Variants in RALGAPA2 observed in about 807,000 individuals in gnomAD.
The protein encoded by RALGAPA2 is Ral GTPase activating protein catalytic subunit alpha 2, also known as ral GTPase-activating protein subunit alpha-2.
RALGAPA2 carries 139 observed loss-of-function variants against 230.4 expected under a neutral mutation model. The ratio of observed to expected loss-of-function variants is 0.60; its 90% CI spans 0.53 to 0.69. The LOEUF is 0.69. Among genes scored for constraint, RALGAPA2 ranks in the 30% least tolerant of loss-of-function variants. RALGAPA2 has a pLI of 0.00. For missense variants in RALGAPA2, 2,163 were observed against 2,276.0 expected, an observed-to-expected ratio of 0.95 and a Z score of 1.01; for synonymous variants, 847 against 837.8, an observed-to-expected ratio of 1.01 and a Z score of -0.19.
At chr20:20,432,094 G>A (rs1358175536) in intron 37 of RALGAPA2, among the ~76,000 whole-genome samples, 1 of 152,154 alleles carries the variant, frequency 6.6e-6, no homozygotes, top group Non-Finnish European at 1.5e-5. Flanking sequence ...GAAACAGTAA[G>A]GACTGTGAAA....
chr20:20,417,055 A>T (rs923185011), intron 37 of RALGAPA2, among the ~76,000 whole-genome samples: 1 of 152,196 alleles, frequency 6.6e-6, no homozygotes, highest in African/African-American at 2.4e-5. Flanking sequence ...CATGGCAGTG[A>T]TCTGCAGAGG....
rs76849141 is a variant in RALGAPA2, at chr20:20,549,952, T to C, written c.3157-3120A>G. Among the ~76,000 whole-genome samples the C allele has an allele frequency of 8.0e-3, 1,222 of 152,322 alleles. 16 individuals carry two copies. Among genetic ancestry groups the C allele is most frequent in the African/African-American group, 0.028 (1,162 of 41,568 alleles). On this transcript the variant is annotated intron_variant, in intron 23 of 39. Coordinates refer to ENST00000202677, the MANE Select transcript of RALGAPA2 (RefSeq NM_020343.4). The stretch of plus-strand genomic sequence containing the variant: ...GCCATCTCCCTGTCCAAAGTGAACA[T>C]TACTTGCCTAACAGGTTTTTCAAAG...
chr20:20,401,056 C>A (rs1295681889), intron 38 of RALGAPA2, among the ~76,000 whole-genome samples: 2 of 152,072 alleles, frequency 1.3e-5, no homozygotes, highest in African/African-American at 2.4e-5. Context: ...TGCCTATCAG[C>A]AGGCTGTTTA....
intron 35 of RALGAPA2, among the ~76,000 whole-genome samples, chr20:20,502,199 T>C (rs1043758798): frequency 2.0e-5 from 3 of 152,106 alleles, no homozygotes; most frequent in Admixed American, 2.0e-4. Context: ...CTGTGAAGTG[T>C]AATAAAGTGC....
intron 13 of RALGAPA2, among the ~76,000 whole-genome samples, chr20:20,615,709 G>C (rs549814876): frequency 6.6e-6 from 1 of 152,122 alleles, no homozygotes; most frequent in Non-Finnish European, 1.5e-5. Flanking sequence ...CAGCATTTCA[G>C]GGCAATTAAC....
Position 20,687,534 on chromosome 20 carries a change from A to G in RALGAPA2, c.107-6733T>C, listed in dbSNP as rs2068750704. Among the ~76,000 whole-genome samples, 4 of 151,978 alleles carry G rather than the reference A, an allele frequency of 2.6e-5. No individual in the cohort carries two copies. In the South Asian group the frequency reaches 6.2e-4, roughly 24 times the overall value. ...GCCGCAAGTAGTTGCTGATCCAAGC[A>G]AAATGAGAAAATTCATGAAAAGCTG... On this transcript the variant is annotated intron_variant, in intron 1 of 39. Coordinates refer to ENST00000202677, the MANE Select transcript of RALGAPA2 (RefSeq NM_020343.4).
intron 37 of RALGAPA2, among the ~76,000 whole-genome samples, chr20:20,430,792 G>A (rs955696599): frequency 2.0e-5 from 3 of 152,102 alleles, no homozygotes; most frequent in Admixed American, 6.5e-5. Context: ...GGGATCACCT[G>A]GTCTCAGTAT....
intron 6 of RALGAPA2, 133 bp downstream of exon 6, chr20:20,640,568 A>G (rs1568688801): frequency 1.2e-6 from 1 of 846,826 alleles, no homozygotes; most frequent in Non-Finnish European, 1.8e-6. Flanking sequence ...AAGAATCTAC[A>G]GTGAATATGA....
At chr20:20,514,090 C>T (rs2062801444) in intron 31 of RALGAPA2, among the ~76,000 whole-genome samples, 1 of 152,176 alleles carries the variant, frequency 6.6e-6, no homozygotes, top group African/African-American at 2.4e-5. Context: ...AGACTGGCAG[C>T]CTGAGCTGCC....
chr20:20,569,782 T>A (rs1211575808), intron 23 of RALGAPA2, among the ~76,000 whole-genome samples: 1 of 152,110 alleles, frequency 6.6e-6, no homozygotes, highest in African/African-American at 2.4e-5. Flanking sequence ...TTCTAAAAAA[T>A]TCATTCTAAG....
intron 23 of RALGAPA2, among the ~76,000 whole-genome samples, chr20:20,556,873 A>C (rs2064099357): frequency 6.6e-6 from 1 of 152,128 alleles, no homozygotes; most frequent in African/African-American, 2.4e-5. Context: ...GGATACTAAA[A>C]TATTTTTCTG....
Position 20,503,487 on chromosome 20 carries a change from C to G in RALGAPA2, c.5072G>C (p.Cys1691Ser), listed in dbSNP as rs1321410106. ...LGWEVDLSTHCGFMGGLQRNG... is the reference protein window; with the variant it reads ...LGWEVDLSTHSGFMGGLQRNG... ...GCGCTGAAGGCCACCCATGAACCCA[C>G]AGTGGGTGGAGAGATCCACCTGACA... The change falls in exon 35 of 40, where the codon TGT becomes TCT. Residue 1691 changes from cysteine (C) to serine (S), a missense_variant. Physicochemically the swap from Cys to Ser is moderately radical, Grantham distance 112. Transcript: ENST00000202677. The G allele has an allele frequency of 6.3e-7, 1 of 1,586,216 alleles. No homozygotes were observed. Among genetic ancestry groups the G allele is most frequent in the Non-Finnish European group, 8.6e-7 (1 of 1,167,032 alleles).
chr20:20,468,764 G>A (rs1055595257), intron 37 of RALGAPA2, among the ~76,000 whole-genome samples: 1 of 151,720 alleles, frequency 6.6e-6, no homozygotes, highest in Admixed American at 6.6e-5. Flanking sequence ...AGAGACCACC[G>A]TTCTATTCTT....
rs140568104 is a variant in RALGAPA2 at position 20,544,808 on chromosome 20, G to A, written c.3285+1896C>T. On this transcript the variant is annotated intron_variant, in intron 24 of 39. Transcript: ENST00000202677. ...CACTGCATATTCTCACTCATAAGTG[G>A]GAGCTGAACAATGAGAACATATGGA... Among the ~76,000 whole-genome samples, 239 of 152,000 alleles carry A rather than the reference G, an allele frequency of 1.6e-3. 1 individual carries two copies. Among genetic ancestry groups the A allele is most frequent in the African/African-American group, 5.5e-3 (228 of 41,432 alleles).
chr20:20,509,714 A>G (rs2062645985), intron 33 of RALGAPA2, among the ~76,000 whole-genome samples: 2 of 152,230 alleles, frequency 1.3e-5, no homozygotes, highest in Non-Finnish European at 2.9e-5. Context: ...AAAAAATGAA[A>G]AGAAAAGAAA....
At chr20:20,639,718 G>C in intron 7 of RALGAPA2, 67 bp downstream of exon 7, 1 of 1,080,130 alleles carries the variant, frequency 9.3e-7, no homozygotes, top group East Asian at 2.4e-5. Flanking sequence ...AGAGGGAAAA[G>C]AGGCAATATT....
chr20:20,566,030 C>A (rs6132316), intron 23 of RALGAPA2, among the ~76,000 whole-genome samples: 2,516 of 152,280 alleles, frequency 0.017, 94 homozygotes, highest in East Asian at 0.14. Flanking sequence ...GAACACCCAG[C>A]CACATCACAA....
intron 23 of RALGAPA2, among the ~76,000 whole-genome samples, chr20:20,561,364 A>C (rs2064251442): frequency 6.6e-6 from 1 of 152,176 alleles, no homozygotes; most frequent in Non-Finnish European, 1.5e-5. Flanking sequence ...TTAGCTACTC[A>C]GGCAGTGCTC....
chr20:20,613,480 C>G (rs1031225802), intron 13 of RALGAPA2, among the ~76,000 whole-genome samples: 2 of 152,230 alleles, frequency 1.3e-5, no homozygotes, highest in African/African-American at 4.8e-5. Context: ...TGCATGTTCT[C>G]CAGCAGCCAG....
Sources: allele counts gnomAD v4.1 joint callset (sites outside exome capture counted in the v4.1 genomes callset), GRCh38; gene constraint gnomAD v4.1.1; transcripts MANE v1.5; gene names NCBI Gene and HGNC (gene_info 2026-07-23, HGNC 2026-07-21).